Variants in NCOA7 observed in about 807,000 individuals in gnomAD.
The protein encoded by NCOA7 is 140 kDa estrogen receptor-associated protein.
A neutral mutation model predicts 104.3 loss-of-function variants in NCOA7; 45 were observed. The ratio of observed to expected loss-of-function variants is 0.43; its 90% CI spans 0.34 to 0.55. NCOA7 has a LOEUF of 0.55. NCOA7 is among the 20% of genes least tolerant of loss of function. The probability of loss-of-function intolerance (pLI) is 0.02; values close to 1 mark genes in which losing one functional copy is unlikely to be tolerated. For missense variants in NCOA7, 1,041 were observed against 1,119.7 expected, an observed-to-expected ratio of 0.93 and a Z score of 1.00; for synonymous variants, 398 against 402.3, an observed-to-expected ratio of 0.99 and a Z score of 0.13.
At chr6:125,802,958 G>A (rs145343969) in intron 1 of NCOA7, among the ~76,000 whole-genome samples, 38 of 152,128 alleles carry the variant, frequency 2.5e-4, no homozygotes, top group African/African-American at 8.0e-4. Flanking sequence ...TCTTGTTCCC[G>A]AACCCACGTT....
At position 125,862,328 on chromosome 6, in the gene NCOA7, A is replaced by G. The variant is rs187592624; in HGVS notation, c.271+7088A>G. ...GTCATGAATAAATGATAAAGAGATG[A>G]TCTTTTTAAAACATTATCTACAAAG... is the stretch of plus-strand genomic sequence containing the variant. On this transcript the variant is annotated intron_variant, in intron 3 of 15. Transcript: ENST00000392477. Among the ~76,000 whole-genome samples the G allele has an allele frequency of 9.1e-3, 1,255 of 138,228 alleles. 199 individuals carry two copies. The highest frequency in any genetic ancestry group is 0.014 in the Non-Finnish European group (888 of 64,898). The allele number at this position is 138,228 out of a possible 152,430, so 90.7% of individuals were successfully genotyped here.
At chr6:125,913,855 A>G (rs1786806980) in intron 10 of NCOA7, among the ~76,000 whole-genome samples, 1 of 152,262 alleles carries the variant, frequency 6.6e-6, no homozygotes, top group Non-Finnish European at 1.5e-5. Context: ...TCCAGTTCAC[A>G]AAAGAAAAGC....
intron 10 of NCOA7, among the ~76,000 whole-genome samples, chr6:125,891,408 T>A (rs958562634): frequency 1.3e-5 from 2 of 152,178 alleles, no homozygotes; most frequent in Non-Finnish European, 2.9e-5. Context: ...CAACAGTATA[T>A]CACTGAGGAT....
chr6:125,911,965 A>G (rs557183440), intron 10 of NCOA7, among the ~76,000 whole-genome samples: 7 of 152,328 alleles, frequency 4.6e-5, no homozygotes, highest in African/African-American at 1.7e-4. Context: ...TGTAGCTAGG[A>G]GGCATGCCGT....
At chr6:125,874,993 A>G (rs1389276878) in intron 4 of NCOA7, 25 bp downstream of exon 4, 1 of 1,526,460 alleles carries the variant, frequency 6.6e-7, no homozygotes, top group African/African-American at 1.4e-5. Context: ...GGTGGTATAA[A>G]TGTTTGTTAA....
intron 1 of NCOA7, among the ~76,000 whole-genome samples, chr6:125,784,998 A>T (rs1774395135): frequency 2.0e-5 from 3 of 151,806 alleles, no homozygotes; most frequent in Admixed American, 1.3e-4. Context: ...ACACACACAC[A>T]CACACACACA....
chr6:125,792,701 AT>A (rs1774969464), intron 1 of NCOA7, among the ~76,000 whole-genome samples: 1 of 152,154 alleles, frequency 6.6e-6, no homozygotes, highest in African/African-American at 2.4e-5. Flanking sequence ...CAGTTTCCAA[AT>A]TTGACAGCCA....
At chr6:125,851,341 C>T (rs1385198617) in intron 2 of NCOA7, among the ~76,000 whole-genome samples, 1 of 152,150 alleles carries the variant, frequency 6.6e-6, no homozygotes, top group African/African-American at 2.4e-5. Context: ...TAAGCGAGAA[C>T]ATGTGATATT....
At chr6:125,871,112 G>A (rs1382908494) in intron 3 of NCOA7, among the ~76,000 whole-genome samples, 2 of 152,236 alleles carry the variant, frequency 1.3e-5, no homozygotes, top group East Asian at 1.9e-4. Flanking sequence ...TCCCTTGGCA[G>A]TAGATACTTT....
intron 10 of NCOA7, among the ~76,000 whole-genome samples, chr6:125,892,577 G>A (rs371014458): frequency 1.1e-3 from 175 of 152,252 alleles, no homozygotes; most frequent in African/African-American, 4.1e-3. Context: ...GGGAGGCTGA[G>A]GCACGAGAAT....
At chr6:125,896,516 C>T (rs1473082369) in intron 10 of NCOA7, among the ~76,000 whole-genome samples, 1 of 152,022 alleles carries the variant, frequency 6.6e-6, no homozygotes, top group Non-Finnish European at 1.5e-5. Flanking sequence ...TATGGCTGGG[C>T]GTGGTACGTC....
At chr6:125,909,118 A>G (rs963419589) in intron 10 of NCOA7, among the ~76,000 whole-genome samples, 1 of 152,238 alleles carries the variant, frequency 6.6e-6, no homozygotes, top group Non-Finnish European at 1.5e-5. Flanking sequence ...TGATTTAAAA[A>G]TGTGTCTTGT....
At chr6:125,851,294 A>G (rs1360698820) in intron 2 of NCOA7, among the ~76,000 whole-genome samples, 3 of 152,014 alleles carry the variant, frequency 2.0e-5, no homozygotes, top group African/African-American at 7.2e-5. Context: ...TTATCATACT[A>G]TATGTTTTTG....
chr6:125,851,305 C>T (rs1781109314), intron 2 of NCOA7, among the ~76,000 whole-genome samples: 1 of 152,080 alleles, frequency 6.6e-6, no homozygotes, highest in Non-Finnish European at 1.5e-5. Flanking sequence ...TATGTTTTTG[C>T]ATCCTCATAG....
intron 2 of NCOA7, among the ~76,000 whole-genome samples, chr6:125,817,917 A>G (rs539919019): frequency 6.6e-6 from 1 of 152,118 alleles, no homozygotes; most frequent in Admixed American, 6.5e-5. Flanking sequence ...TTTTGAATTT[A>G]TTTGTGGATA....
Position 125,805,087 on chromosome 6 carries a change from C to CTTTTTTTTTTTTTTTTTTTTTTT in NCOA7, c.-64-10198_-64-10176dup, listed in dbSNP as rs59737297. Among the ~76,000 whole-genome samples, 3 of 58,038 alleles carry CTTTTTTTTTTTTTTTTTTTTTTT rather than the reference C, an allele frequency of 5.2e-5. 1 individual carries two copies. Among genetic ancestry groups the CTTTTTTTTTTTTTTTTTTTTTTT allele is most frequent in the African/African-American group, 1.8e-4 (3 of 16,250 alleles). The allele number at this position is 58,038 out of a possible 152,430, so 38.1% of individuals were successfully genotyped here. A position where few individuals can be genotyped will look rare whatever the true frequency, so the allele number is the denominator to read the frequency against. ...ATAAAGCTGGGTTCACCCTCTTGTT[C>CTTTTTTTTTTTTTTTTTTTTTTT]TTTTTTTTTTTTTTTTTTTTTTTTT... On this transcript the variant is annotated intron_variant, in intron 1 of 15. Transcript: ENST00000392477.
rs569334263 is a variant in NCOA7, at chr6:125,917,597, A to G, written c.2244+2117A>G. ...AAAACAATGCCTGAGACAGATCTCAATCAATTTAGAGGTTTATTTTGCTAA... is the reference window on the plus strand; with the variant it reads ...AAAACAATGCCTGAGACAGATCTCAGTCAATTTAGAGGTTTATTTTGCTAA... On this transcript the variant is annotated intron_variant, in intron 11 of 15. Transcript: ENST00000392477. Among the ~76,000 whole-genome samples the G allele has an allele frequency of 5.9e-5, 9 of 152,268 alleles. 1 individual carries two copies. The South Asian group carries it at 1.5e-3, about 25-fold the overall frequency.
At chr6:125,927,578 C>A in intron 13 of NCOA7, 85 bp from the exon 14 acceptor site, 1 of 984,564 alleles carries the variant, frequency 1.0e-6, no homozygotes, top group Non-Finnish European at 1.6e-6. Context: ...GATCTCAGAA[C>A]ATGATGTATC....
intron 3 of NCOA7, among the ~76,000 whole-genome samples, chr6:125,859,007 A>G (rs1352618790): frequency 1.3e-5 from 2 of 152,190 alleles, no homozygotes; most frequent in Non-Finnish European, 2.9e-5. Flanking sequence ...TTGGCTTGCT[A>G]AGGATTTGGG....
Sources: gnomAD v4.1 joint callset for allele counts (sites outside exome capture counted in the v4.1 genomes callset) on GRCh38, gnomAD v4.1.1 for gene constraint, MANE v1.5 for transcripts, NCBI Gene and HGNC (gene_info 2026-07-23, HGNC 2026-07-21) for gene names.